The following CACNA1F variants were observed in gnomAD, a reference collection of about 807,000 sequenced individuals.
CACNA1F encodes voltage-dependent L-type calcium channel subunit alpha-1F.
Under a neutral mutation model 143.8 loss-of-function variants are expected in CACNA1F, and 59 were observed. That is an observed-to-expected ratio of 0.41 (90% CI 0.33 to 0.51). The LOEUF (loss-of-function observed/expected upper bound fraction) is 0.51. CACNA1F is among the 20% of genes least tolerant of loss of function. The pLI is 0.22. For synonymous variants in CACNA1F, 643 were observed against 649.1 expected (o/e 0.99, Z 0.14); for missense variants, 1,411 against 1,647.5 (o/e 0.86, Z 2.48).
rs782069549 is a variant in CACNA1F, at chrX:49,228,245, C to T, written c.1014+6G>A. ...CTTTGAGCTCTGTGCCCACAGTCCA[C>T]CTCACCCAGTAGAGCACATCGGTCC... On this transcript the variant is annotated splice_donor_region_variant and intron_variant, in intron 7 of 47. Coordinates refer to ENST00000323022, the MANE Select transcript of CACNA1F (RefSeq NM_001256789.3). 2.4e-4 allele frequency: 291 copies of T among 1,208,035 alleles called. No individual in the cohort carries two copies. Among genetic ancestry groups the T allele is most frequent in the Non-Finnish European group, 3.1e-4 (280 of 892,792 alleles).
chrX:49,214,153 G>A lies in CACNA1F; in HGVS notation c.3708+6C>T, dbSNP rs1557106884. The stretch of plus-strand genomic sequence containing the variant: ...CTGGTGGGTGGGGCTAGAGAAGGGG[G>A]GCCACCTTGGGCTTGAAGGCGATGA... On this transcript the variant is annotated splice_donor_region_variant and intron_variant, in intron 30 of 47. Transcript: ENST00000323022. The A allele has an allele frequency of 1.8e-6, 2 of 1,128,133 alleles. No individual in the cohort carries two copies. The highest frequency in any genetic ancestry group is 2.4e-6 in the Non-Finnish European group (2 of 820,249). 93.0% of individuals were successfully genotyped at this position (1,128,133 alleles called of 1,213,427 possible). A position where few individuals can be genotyped will look rare whatever the true frequency, so the allele number is the denominator to read the frequency against.
At chrX:49,209,906 G>A (rs2065638892) in intron 40 of CACNA1F, 35 bp downstream of exon 40, 3 of 1,136,003 alleles carry the variant, frequency 2.6e-6, no homozygotes, top group African/African-American at 1.8e-5. Flanking sequence ...GCCATTCAGG[G>A]GCTGGCGCGG....
At position 49,209,322 on chromosome X, in the gene CACNA1F, C is replaced by T. The variant is rs782698366; in HGVS notation, c.4893G>A (p.Glu1631=). The change falls in exon 42 of 48, where the codon GAG becomes GAA. Residue 1631 remains glutamate, a synonymous_variant. Coordinates refer to ENST00000323022, the MANE Select transcript of CACNA1F (RefSeq NM_001256789.3). The part of the protein sequence containing the change: ...RQALTCDTEE[E]EEEGQEGVEE... ...CCACTCCCTCCTGCCCCTCTTCTTC[C>T]TCCTCCTCTGTGTCACAGGTGAGGG... The T allele has an allele frequency of 3.3e-6, 4 of 1,203,241 alleles. No individual in the cohort carries two copies. The Admixed American group carries it at 8.7e-5, about 26-fold the overall frequency.
In CACNA1F at chrX:49,219,320, C is replaced by A; in HGVS notation, c.2673+1G>T. ...CTCCTAGCTCCCAGCCAAAGGCTCA[C>A]ATGGTTGCGGAAGGAGTGGGCTCGG... On this transcript the variant is annotated splice_donor_variant, in intron 21 of 47. Transcript: ENST00000323022. LOFTEE classifies it high-confidence loss of function. 8.3e-7 allele frequency: 1 copy of A among 1,208,511 alleles called. No homozygotes were observed. Among genetic ancestry groups the A allele is most frequent in the Non-Finnish European group, 1.1e-6 (1 of 894,295 alleles).
intron 17 of CACNA1F, 173 bp downstream of exon 17, chrX:49,222,349 C>A: frequency 2.1e-6 from 1 of 476,107 alleles, no homozygotes; most frequent in Admixed American, 2.9e-5. Context: ...CAGGACCTGG[C>A]ACACAGTAGG....
At chrX:49,213,927 C>T (rs1557106821) in intron 30 of CACNA1F, 25 bp from the exon 31 acceptor site, 6 of 1,104,892 alleles carry the variant, frequency 5.4e-6, no homozygotes, top group Non-Finnish European at 7.5e-6. Flanking sequence ...AAAGCAGTGC[C>T]CTGTCTTCTC....
intron 37 of CACNA1F, 120 bp from the exon 38 acceptor site, chrX:49,210,806 T>C: frequency 3.5e-6 from 3 of 847,039 alleles, no homozygotes; most frequent in Non-Finnish European, 1.7e-6. Flanking sequence ...AGGGAAGAAC[T>C]GGAGGGCAGT....
intron 17 of CACNA1F, among the ~76,000 whole-genome samples, chrX:49,222,042 T>C (rs1051222288): frequency 9.2e-6 from 1 of 108,940 alleles, no homozygotes; most frequent in Non-Finnish European, 1.9e-5. Flanking sequence ...CACTTGCCAC[T>C]CCCCTTCCTT....
chrX:49,219,505 G>T (rs1301217846), intron 20 of CACNA1F, 55 bp from the exon 21 acceptor site: 16 of 1,186,389 alleles, frequency 1.3e-5, no homozygotes, highest in Admixed American at 2.3e-5. Flanking sequence ...ATTGTTCAGG[G>T]ATTCCAAGGG....
At position 49,220,468 on chromosome X, in the gene CACNA1F, C is replaced by T; in HGVS notation, c.2386+5G>A. On this transcript the variant is annotated splice_donor_5th_base_variant and intron_variant, in intron 19 of 47. Coordinates refer to ENST00000323022, the MANE Select transcript of CACNA1F (RefSeq NM_001256789.3). ...CACCTGCTCCACCTGGCCCTGCCCA[C>T]TTGCCTGCTCCTTCCCTCCTTGCAC... The T allele has an allele frequency of 8.3e-7, 1 of 1,205,932 alleles. No individual in the cohort carries two copies. The highest frequency in any genetic ancestry group is 1.1e-6 in the Non-Finnish European group (1 of 891,062).
intron 6 of CACNA1F, 76 bp downstream of exon 6, chrX:49,230,144 T>G (rs1557110947): frequency 3.2e-6 from 3 of 945,953 alleles, no homozygotes; most frequent in Non-Finnish European, 4.4e-6. Context: ...TTTCAGTGGG[T>G]TTCCCTGAGT....
At chrX:49,227,985 A>C in intron 8 of CACNA1F, 51 bp downstream of exon 8, 1 of 870,056 alleles carries the variant, frequency 1.1e-6, no homozygotes. Context: ...AGGCACAAAG[A>C]AGTGGGCAGT....
At chrX:49,220,100 A>T (rs1442873126) in intron 19 of CACNA1F, among the ~76,000 whole-genome samples, 3 of 111,799 alleles carry the variant, frequency 2.7e-5, no homozygotes, top group Non-Finnish European at 3.8e-5. Flanking sequence ...CTTTAAAGAT[A>T]GGGTCTTACT....
chrX:49,215,056 T>G, intron 29 of CACNA1F, 30 bp downstream of exon 29: 2 of 1,186,215 alleles, frequency 1.7e-6, no homozygotes, highest in East Asian at 5.9e-5. Flanking sequence ...GGGTCAGGAG[T>G]CTGGCGGGGG....
At chrX:49,214,057 C>G in intron 30 of CACNA1F, 102 bp downstream of exon 30, 2 of 663,414 alleles carry the variant, frequency 3.0e-6, no homozygotes, top group South Asian at 2.2e-5. Context: ...TAGACTCACA[C>G]TCCCTGGCTG....
rs58451013 is a variant in CACNA1F at position 49,222,502 on chromosome X, G to A, written c.2288+20C>T. 5 of 1,184,488 alleles carry A rather than the reference G, an allele frequency of 4.2e-6. No individual in the cohort carries two copies. The highest frequency in any genetic ancestry group is 5.7e-6 in the Non-Finnish European group (5 of 872,698). On this transcript the variant is annotated intron_variant, in intron 17 of 47. Coordinates refer to ENST00000323022, the MANE Select transcript of CACNA1F (RefSeq NM_001256789.3). ...GGGATCCCAGAGAGAGACTGTGTTAGGGGTGGAGCCAGATCTCACCCGCCC... is the reference window on the plus strand; with the variant it reads ...GGGATCCCAGAGAGAGACTGTGTTAAGGGTGGAGCCAGATCTCACCCGCCC...
Position 49,205,729 on chromosome X carries a change from A to G in CACNA1F, c.5557T>C (p.Tyr1853His), listed in dbSNP as rs1557104721. 10 of 1,201,220 alleles carry G rather than the reference A, an allele frequency of 8.3e-6. No homozygotes were observed. Among genetic ancestry groups the G allele is most frequent in the African/African-American group, 1.8e-5 (1 of 56,489 alleles). The change falls in exon 47 of 48, where the codon TAC (tyrosine) becomes CAC (histidine). Residue 1853 changes from tyrosine (Y) to histidine (H), a missense_variant. Transcript: ENST00000323022. ...LVEEGAAGEGYLGRSSGPLRT... is the reference protein window; with the variant it reads ...LVEEGAAGEGHLGRSSGPLRT... ...AGTGGGCCACTGGATCTGCCGAGGT[A>G]CCCCTCCCCCGCTGCGCCCTCTTCC... is the stretch of plus-strand genomic sequence containing the variant.
At position 49,218,715 on chromosome X, in the gene CACNA1F, G is replaced by A; in HGVS notation, c.2754C>T (p.Phe918=). The stretch of plus-strand genomic sequence containing the variant: ...TACGGCAGAAGGAGCCGCGGTGCAG[G>A]AAGGCCCCAAACACTGTCATCTGGG... The part of the protein sequence containing the change: ...ILLKMTVFGA[F]LHRGSFCRSW... The change falls in exon 23 of 48, where the codon TTC becomes TTT. Residue 918 remains phenylalanine (F), a synonymous_variant. Transcript: ENST00000323022. 8.7e-7 allele frequency: 1 copy of A among 1,148,516 alleles called. No individual in the cohort carries two copies. Among genetic ancestry groups the A allele is most frequent in the Non-Finnish European group, 1.2e-6 (1 of 861,323 alleles). 94.7% of individuals were successfully genotyped at this position (1,148,516 alleles called of 1,213,427 possible). A position where few individuals can be genotyped will look rare whatever the true frequency, so the allele number is the denominator to read the frequency against.
intron 8 of CACNA1F, 51 bp from the exon 9 acceptor site, chrX:49,227,178 G>A (rs1394303354): frequency 1.0e-6 from 1 of 999,417 alleles, no homozygotes; most frequent in African/African-American, 1.9e-5. Context: ...TGAACACCTT[G>A]CTTTCATCAC....
Sources: allele counts gnomAD v4.1 joint callset (sites outside exome capture counted in the v4.1 genomes callset), GRCh38; gene constraint gnomAD v4.1.1; transcripts MANE v1.5; gene names NCBI Gene and HGNC (gene_info 2026-07-23, HGNC 2026-07-21).